Variants in HPSE2 observed in about 807,000 individuals in gnomAD.
The protein encoded by HPSE2 is inactive heparanase-2.
A neutral mutation model predicts 60.5 loss-of-function variants in HPSE2; 38 were observed. The ratio of observed to expected loss-of-function variants is 0.63; its 90% confidence interval spans 0.48 to 0.82. The LOEUF (loss-of-function observed/expected upper bound fraction) is 0.82, where lower values mean the gene tolerates loss of function less well. Among genes scored for constraint, HPSE2 ranks in the 40% least tolerant of loss-of-function variants. The pLI, the probability that HPSE2 is intolerant of heterozygous loss-of-function variation, is 0.00. For missense variants in HPSE2, 713 were observed against 740.4 expected, an observed-to-expected ratio of 0.96 and a Z score of 0.43; for synonymous variants, 295 against 293.2, an observed-to-expected ratio of 1.01 and a Z score of -0.06.
intron 3 of HPSE2, among the ~76,000 whole-genome samples, chr10:99,012,836 G>C (rs1957047851): frequency 6.6e-6 from 1 of 152,108 alleles, no homozygotes; most frequent in Non-Finnish European, 1.5e-5. Flanking sequence ...CTTACCAGGG[G>C]CTACACAATG....
chr10:99,243,048 A>G, the HPSE2 span, among the ~76,000 whole-genome samples: 1 of 152,182 alleles, frequency 6.6e-6, no homozygotes, highest in Non-Finnish European at 1.5e-5. Context: ...TATCTTCATA[A>G]TTTGGGTAAA....
intron 6 of HPSE2, among the ~76,000 whole-genome samples, chr10:98,692,450 A>G (rs1319202021): frequency 6.6e-6 from 1 of 151,818 alleles, no homozygotes; most frequent in East Asian, 1.9e-4. Context: ...AAGATCCTCT[A>G]GCTTACTCAA....
At chr10:98,899,267 C>A (rs1953589829) in intron 3 of HPSE2, among the ~76,000 whole-genome samples, 1 of 152,066 alleles carries the variant, frequency 6.6e-6, no homozygotes, top group Admixed American at 6.5e-5. Flanking sequence ...CCCATGGGCT[C>A]TAGATAGAAC....
At chr10:98,613,829 A>T in intron 9 of HPSE2, among the ~76,000 whole-genome samples, 1 of 152,216 alleles carries the variant, frequency 6.6e-6, no homozygotes, top group Non-Finnish European at 1.5e-5. Context: ...CTGAAATTCT[A>T]TGACTTGATG....
intron 11 of HPSE2, among the ~76,000 whole-genome samples, chr10:98,461,377 G>A (rs922681701): frequency 7.2e-6 from 1 of 138,384 alleles, no homozygotes; most frequent in African/African-American, 2.8e-5. Context: ...TATGGAGAGC[G>A]AGGCCTGCCT....
chr10:98,695,455 C>T (rs368521531), intron 5 of HPSE2, among the ~76,000 whole-genome samples: 2 of 152,154 alleles, frequency 1.3e-5, no homozygotes, highest in Non-Finnish European at 2.9e-5. Context: ...AAAATGTCAA[C>T]GTGGGCTGGA....
chr10:98,924,370 G>T (rs1484869861), intron 3 of HPSE2: 1 of 152,338 alleles, frequency 6.6e-6, no homozygotes, highest in Non-Finnish European at 1.5e-5. Context: ...CGTCAGGGTA[G>T]TGAGTTCTTG....
intron 9 of HPSE2, among the ~76,000 whole-genome samples, chr10:98,498,082 C>T (rs1240182047): frequency 6.6e-6 from 1 of 152,138 alleles, no homozygotes; most frequent in Non-Finnish European, 1.5e-5. Context: ...GAGATTGGAT[C>T]ATCATGGTGG....
At chr10:98,500,802 A>C (rs1942004980) in intron 9 of HPSE2, among the ~76,000 whole-genome samples, 1 of 152,116 alleles carries the variant, frequency 6.6e-6, no homozygotes, top group East Asian at 1.9e-4. Flanking sequence ...AAAAGAAGAA[A>C]AGAAGATTAA....
At chr10:98,858,342 AC>A (rs977364699) in intron 3 of HPSE2, among the ~76,000 whole-genome samples, 2 of 152,062 alleles carry the variant, frequency 1.3e-5, no homozygotes, top group African/African-American at 4.8e-5. Flanking sequence ...CAAAAACAAA[AC>A]CCCTGTGAAG....
chr10:98,780,559 A>T (rs1436911455), intron 3 of HPSE2, among the ~76,000 whole-genome samples: 1 of 152,148 alleles, frequency 6.6e-6, no homozygotes, highest in Non-Finnish European at 1.5e-5. Context: ...TTCCAACTAC[A>T]GCAGGGAAGA....
At chr10:98,492,306 T>C (rs897627001) in intron 9 of HPSE2, among the ~76,000 whole-genome samples, 1 of 151,986 alleles carries the variant, frequency 6.6e-6, no homozygotes, top group African/African-American at 2.4e-5. Flanking sequence ...ATCGAGACCA[T>C]CCTGGCTAAC....
At chr10:99,132,210 AGAG>A (rs1845449441) in intron 3 of HPSE2, among the ~76,000 whole-genome samples, 3 of 28,902 alleles carry the variant, frequency 1.0e-4, no homozygotes, top group African/African-American at 1.7e-4. Flanking sequence ...AGAGAGAGAG[AGAG>A]AGAGAGAGAG....
At chr10:99,194,486 T>C (rs1318964625) in intron 2 of HPSE2, among the ~76,000 whole-genome samples, 1 of 151,360 alleles carries the variant, frequency 6.6e-6, no homozygotes, top group Non-Finnish European at 1.5e-5. Context: ...AAAGAGTTCA[T>C]TTTCTGAAAA....
the HPSE2 span, among the ~76,000 whole-genome samples, chr10:99,302,814 A>C: frequency 1.3e-5 from 2 of 151,620 alleles, no homozygotes; most frequent in Non-Finnish European, 2.9e-5. Flanking sequence ...TGGCCCAGGA[A>C]GACACCCCAT....
chr10:98,803,461 C>T (rs1368009200), intron 3 of HPSE2, among the ~76,000 whole-genome samples: 57 of 150,188 alleles, frequency 3.8e-4, no homozygotes, highest in South Asian at 8.5e-4. Flanking sequence ...TTAGGTCTAA[C>T]GTTTAAGTCT....
rs190992489 is a variant in HPSE2, at chr10:98,510,855, G to A, written c.1321-20659C>T. Among the ~76,000 whole-genome samples, 20 of 151,684 alleles carry A rather than the reference G, an allele frequency of 1.3e-4. No individual in the cohort carries two copies. In the East Asian group the frequency reaches 3.9e-3, roughly 29 times the overall value. On this transcript the variant is annotated intron_variant, in intron 9 of 11. Coordinates refer to ENST00000370552, the MANE Select transcript of HPSE2 (RefSeq NM_021828.5). Reference sequence around the variant, plus strand: ...CCTCTGTGAAATGAGGCTGACTAAAGTATCACATGAGCGGGAACCACTTGT... The same window carrying A: ...CCTCTGTGAAATGAGGCTGACTAAAATATCACATGAGCGGGAACCACTTGT...
At chr10:99,187,408 A>G (rs1235118188) in intron 2 of HPSE2, among the ~76,000 whole-genome samples, 4 of 152,236 alleles carry the variant, frequency 2.6e-5, no homozygotes, top group Admixed American at 2.6e-4. Context: ...ATTGCATTTC[A>G]TCAAAATTTA....
At chr10:99,131,750 G>C (rs1845394180) in intron 3 of HPSE2, among the ~76,000 whole-genome samples, 1 of 152,126 alleles carries the variant, frequency 6.6e-6, no homozygotes, top group African/African-American at 2.4e-5. Flanking sequence ...GAGTTGGAGA[G>C]GGATAAAAGA....
Sources: allele counts gnomAD v4.1 joint callset (sites outside exome capture counted in the v4.1 genomes callset), GRCh38; gene constraint gnomAD v4.1.1; transcripts MANE v1.5; gene names NCBI Gene and HGNC (gene_info 2026-07-23, HGNC 2026-07-21).